The following RGS6 variants were observed in gnomAD, a reference collection of about 807,000 sequenced individuals.
RGS6 encodes the protein regulator of G-protein signaling 6.
In RGS6, 30 loss-of-function variants were observed where a neutral mutation model predicts 78.5. The observed-to-expected ratio is 0.38, with a 90% confidence interval of 0.29 to 0.52. The LOEUF (loss-of-function observed/expected upper bound fraction) is 0.52, where lower values mean the gene tolerates loss of function less well. Among genes scored for constraint, RGS6 ranks in the 20% least tolerant of loss-of-function variants. The pLI is 0.85. For missense variants in RGS6, 495 were observed against 609.7 expected (o/e 0.81, Z 1.98); for synonymous variants, 206 against 206.0 (o/e 1.00, Z 0.00).
At chr14:71,928,168 CTT>C (rs1677875941), upstream of RGS6, among the ~76,000 whole-genome samples, 1 of 152,124 alleles carries the variant, frequency 6.6e-6, no homozygotes. Context: ...GTTCAAGACT[CTT>C]TATTGCTAAG....
intron 2 of RGS6, among the ~76,000 whole-genome samples, chr14:72,177,474 C>T (rs569260031): frequency 6.6e-6 from 1 of 152,192 alleles, no homozygotes; most frequent in Non-Finnish European, 1.5e-5. Flanking sequence ...CAACCAGAGA[C>T]TAGGGAAGAC....
intron 2 of RGS6, among the ~76,000 whole-genome samples, chr14:72,033,602 C>G (rs371561242): frequency 6.6e-6 from 1 of 152,002 alleles, no homozygotes; most frequent in Non-Finnish European, 1.5e-5. Context: ...GCCACTGCCC[C>G]GAATCATAAG....
At chr14:72,599,201 A>G in the RGS6 span, among the ~76,000 whole-genome samples, 2 of 152,082 alleles carry the variant, frequency 1.3e-5, no homozygotes, top group Non-Finnish European at 2.9e-5. Flanking sequence ...AACACTACTC[A>G]GTAAAAGTGG....
chr14:71,882,940 C>T, the RGS6 span, among the ~76,000 whole-genome samples: 5 of 152,146 alleles, frequency 3.3e-5, no homozygotes, highest in African/African-American at 1.2e-4. Context: ...AGCCAAGAAA[C>T]CCTTGTTTGG....
At chr14:72,372,029 G>A (rs1017803443) in intron 3 of RGS6, among the ~76,000 whole-genome samples, 1 of 152,182 alleles carries the variant, frequency 6.6e-6, no homozygotes, top group African/African-American at 2.4e-5. Flanking sequence ...CTGACAGAAA[G>A]TGTATACACA....
chr14:72,619,616 G>C, the RGS6 span, among the ~76,000 whole-genome samples: 1 of 152,140 alleles, frequency 6.6e-6, no homozygotes, highest in Admixed American at 6.5e-5. Context: ...CCGGGCCTGC[G>C]CCAGTTCTCC....
At chr14:71,992,119 C>T (rs980168316) in intron 2 of RGS6, among the ~76,000 whole-genome samples, 3 of 151,984 alleles carry the variant, frequency 2.0e-5, no homozygotes, top group Non-Finnish European at 2.9e-5. Flanking sequence ...CAACCTCCAC[C>T]TCCTGGGTTC....
the RGS6 span, among the ~76,000 whole-genome samples, chr14:71,881,200 G>A: frequency 6.6e-6 from 1 of 152,268 alleles, no homozygotes. Flanking sequence ...CATCTAGGAA[G>A]TAACTAACTT....
intron 2 of RGS6, among the ~76,000 whole-genome samples, chr14:72,076,504 G>A (rs1263358302): frequency 2.6e-5 from 4 of 152,114 alleles, no homozygotes; most frequent in East Asian, 1.9e-4. Context: ...AAAAATATAT[G>A]TACATTTAAC....
At chr14:72,087,627 CTTTTT>C (rs113790680) in intron 2 of RGS6, among the ~76,000 whole-genome samples, 3 of 144,918 alleles carry the variant, frequency 2.1e-5, no homozygotes, top group African/African-American at 7.6e-5. Flanking sequence ...CAACAATATA[CTTTTT>C]TTTTTTTTAA....
the RGS6 span, among the ~76,000 whole-genome samples, chr14:71,881,192 T>C: frequency 6.6e-6 from 1 of 152,208 alleles, no homozygotes; most frequent in Non-Finnish European, 1.5e-5. Flanking sequence ...CCCCCTTGCA[T>C]CTAGGAAGTA....
At chr14:71,906,711 A>G in the RGS6 span, among the ~76,000 whole-genome samples, 1 of 137,748 alleles carries the variant, frequency 7.3e-6, no homozygotes. Context: ...AAGGTCTTCC[A>G]TTTGAGTCAA....
the RGS6 span, among the ~76,000 whole-genome samples, chr14:72,580,935 G>A: frequency 1.3e-5 from 2 of 152,204 alleles, no homozygotes; most frequent in South Asian, 4.1e-4. Flanking sequence ...TTGAGTCAGG[G>A]TCCAGAGTCC....
intron 2 of RGS6, among the ~76,000 whole-genome samples, chr14:72,115,145 A>AG (rs547986390): frequency 1.8e-4 from 27 of 152,226 alleles, no homozygotes; most frequent in Non-Finnish European, 4.0e-4. Context: ...GGAATATGGA[A>AG]GGGCATGAGA....
chr14:72,269,243 T>A (rs1397762148), intron 2 of RGS6, among the ~76,000 whole-genome samples: 1 of 152,216 alleles, frequency 6.6e-6, no homozygotes, highest in African/African-American at 2.4e-5. Context: ...CTAAAGTTGA[T>A]GCCCAACACA....
intron 17 of RGS6, among the ~76,000 whole-genome samples, chr14:72,561,207 C>T (rs140926554): frequency 6.6e-6 from 1 of 152,320 alleles, no homozygotes; most frequent in African/African-American, 2.4e-5. Flanking sequence ...TTACACGCAG[C>T]CAAGCCCAGT....
chr14:72,016,355 TTTTATTTTTATG>T (rs1312962721), intron 2 of RGS6, among the ~76,000 whole-genome samples: 8 of 152,214 alleles, frequency 5.3e-5, no homozygotes, highest in African/African-American at 1.9e-4. Flanking sequence ...CTGTTCTTTA[TTTTATTTTTATG>T]TTTATTTTTA....
At chr14:72,607,332 C>T in the RGS6 span, among the ~76,000 whole-genome samples, 2 of 152,192 alleles carry the variant, frequency 1.3e-5, no homozygotes, top group African/African-American at 4.8e-5. Context: ...CCAGCAGATT[C>T]GGTGTCCAGC....
the RGS6 span, among the ~76,000 whole-genome samples, chr14:72,614,086 C>A: frequency 7.7e-4 from 118 of 152,294 alleles, no homozygotes; most frequent in African/African-American, 2.6e-3. Context: ...GGCCTTGAAC[C>A]AACCCATCTG....
Sources: allele counts gnomAD v4.1 joint callset (sites outside exome capture counted in the v4.1 genomes callset), GRCh38; gene constraint gnomAD v4.1.1; transcripts MANE v1.5; gene names NCBI Gene and HGNC (gene_info 2026-07-23, HGNC 2026-07-21).